The following SLX4IP variants were observed in gnomAD, a reference collection of about 807,000 sequenced individuals.
SLX4IP encodes SLX4 interacting protein, also known as protein SLX4IP.
A neutral mutation model predicts 32.9 loss-of-function variants in SLX4IP; 34 were observed. That is an observed-to-expected ratio of 1.03 (90% CI 0.79 to 1.38). The LOEUF is 1.38. SLX4IP is among the 40% of genes most tolerant of loss of function. SLX4IP has a pLI of 0.00. For missense variants in SLX4IP, 444 were observed against 479.0 expected (o/e 0.93, Z 0.68); for synonymous variants, 172 against 171.7 (o/e 1.00, Z -0.01).
At chr20:10,612,432 C>T (rs1418818727) in intron 6 of SLX4IP, among the ~76,000 whole-genome samples, 3 of 152,142 alleles carry the variant, frequency 2.0e-5, no homozygotes, top group Non-Finnish European at 4.4e-5. Context: ...GTATCATTCT[C>T]AGCAGATGTG....
At chr20:10,600,440 C>G (rs1009515854) in intron 5 of SLX4IP, among the ~76,000 whole-genome samples, 3 of 152,102 alleles carry the variant, frequency 2.0e-5, no homozygotes, top group African/African-American at 4.8e-5. Flanking sequence ...AACTGTTAAC[C>G]TGCTGTTCTG....
chr20:10,608,663 T>C (rs1023853343), intron 6 of SLX4IP, among the ~76,000 whole-genome samples: 1 of 128,080 alleles, frequency 7.8e-6, no homozygotes, highest in Non-Finnish European at 1.6e-5. Context: ...GACAGAGCAA[T>C]ACTCTGTCTC....
chr20:10,591,322 C>T (rs769102221), intron 4 of SLX4IP, among the ~76,000 whole-genome samples: 1 of 152,204 alleles, frequency 6.6e-6, no homozygotes, highest in Non-Finnish European at 1.5e-5. Context: ...AAGGTTGTTT[C>T]TTGTCCTTTG....
At chr20:10,450,935 G>T (rs374294937) in intron 1 of SLX4IP, among the ~76,000 whole-genome samples, 75 of 152,088 alleles carry the variant, frequency 4.9e-4, no homozygotes, top group African/African-American at 1.8e-3. Context: ...TGGGTTTTTA[G>T]TAGAGACGGG....
chr20:10,516,807 A>C (rs2065854471), intron 2 of SLX4IP, among the ~76,000 whole-genome samples: 1 of 152,230 alleles, frequency 6.6e-6, no homozygotes, highest in Non-Finnish European at 1.5e-5. Context: ...CCTTTCACAG[A>C]ATGAAAAAAT....
intron 2 of SLX4IP, among the ~76,000 whole-genome samples, chr20:10,518,490 T>TTTCCTTCC (rs201990578): frequency 1.6e-3 from 103 of 65,874 alleles, no homozygotes; most frequent in African/African-American, 4.5e-3. Flanking sequence ...TTCCTTTCCT[T>TTTCCTTCC]TTCCTTCCTT....
chr20:10,509,379 A>G (rs2065786396), intron 2 of SLX4IP, among the ~76,000 whole-genome samples: 1 of 152,222 alleles, frequency 6.6e-6, no homozygotes, highest in Admixed American at 6.5e-5. Context: ...AGTCACCAGC[A>G]GAGCACCGTC....
intron 2 of SLX4IP, among the ~76,000 whole-genome samples, chr20:10,485,291 T>C (rs1439841582): frequency 6.6e-6 from 1 of 152,066 alleles, no homozygotes; most frequent in Non-Finnish European, 1.5e-5. Context: ...TGACTCTCTC[T>C]ATGCAGTTGA....
At chr20:10,586,527 A>G (rs984359774) in intron 4 of SLX4IP, among the ~76,000 whole-genome samples, 1 of 152,156 alleles carries the variant, frequency 6.6e-6, no homozygotes, top group African/African-American at 2.4e-5. Context: ...TTGCTTATTT[A>G]TGTAAGGGTT....
At chr20:10,449,596 C>G (rs184061901) in intron 1 of SLX4IP, among the ~76,000 whole-genome samples, 1 of 152,260 alleles carries the variant, frequency 6.6e-6, no homozygotes, top group Admixed American at 6.5e-5. Flanking sequence ...CATAAGTTCT[C>G]ATTAGGGGAA....
chr20:10,445,317 T>C lies in SLX4IP; in HGVS notation c.-30+9864T>C, dbSNP rs1305020793. ...TGCTTTTTCTTTTTTCTTTCTTTTT[T>C]TTTTTTTTTTTTTTTGAGATGGAGT... On this transcript the variant is annotated intron_variant, in intron 1 of 7. Transcript: ENST00000334534. 3.3e-3 allele frequency among the ~76,000 whole-genome samples: 481 copies of C among 144,466 alleles called. 4 individuals are homozygous for C. The highest frequency in any genetic ancestry group is 0.011 in the African/African-American group (448 of 39,542). 94.8% of individuals were successfully genotyped at this position (144,466 alleles called of 152,430 possible).
chr20:10,441,119 T>C (rs1568682304), intron 1 of SLX4IP, among the ~76,000 whole-genome samples: 2 of 152,136 alleles, frequency 1.3e-5, no homozygotes, highest in Non-Finnish European at 2.9e-5. Flanking sequence ...CCTATGTCTG[T>C]TTCTGACTAG....
chr20:10,547,668 C>A (rs1600988172), intron 2 of SLX4IP, among the ~76,000 whole-genome samples: 1 of 152,330 alleles, frequency 6.6e-6, no homozygotes, highest in Admixed American at 6.5e-5. Flanking sequence ...CCTGGGGCAA[C>A]CTTAGTTGTA....
intron 4 of SLX4IP, among the ~76,000 whole-genome samples, chr20:10,595,707 G>A (rs1376844153): frequency 1.3e-5 from 2 of 152,196 alleles, no homozygotes; most frequent in African/African-American, 4.8e-5. Flanking sequence ...AGTGCAGTAT[G>A]TTTCAAGCAG....
chr20:10,447,458 T>A (rs1434447665), intron 1 of SLX4IP, among the ~76,000 whole-genome samples: 1 of 152,166 alleles, frequency 6.6e-6, no homozygotes, highest in African/African-American at 2.4e-5. Context: ...TCGTATATAT[T>A]TTTTTCATTT....
chr20:10,618,924 T>C (rs111631080), intron 6 of SLX4IP, among the ~76,000 whole-genome samples: 3,462 of 32,232 alleles, frequency 0.11, 97 homozygotes, highest in Admixed American at 0.32. Flanking sequence ...GAATACTTGT[T>C]TGGGGGCTTG....
At chr20:10,615,956 C>T (rs968749763) in intron 6 of SLX4IP, among the ~76,000 whole-genome samples, 1 of 152,110 alleles carries the variant, frequency 6.6e-6, no homozygotes, top group African/African-American at 2.4e-5. Context: ...ATCTTCAAGG[C>T]CCCACCTCTT....
chr20:10,613,946 G>A (rs745643216), intron 6 of SLX4IP: 20 of 1,173,942 alleles, frequency 1.7e-5, no homozygotes, highest in Admixed American at 6.7e-5. Context: ...GATCTTGGAT[G>A]AGCACAGGAG....
At chr20:10,547,365 T>A (rs1355785464) in intron 2 of SLX4IP, among the ~76,000 whole-genome samples, 1 of 152,216 alleles carries the variant, frequency 6.6e-6, no homozygotes, top group Non-Finnish European at 1.5e-5. Flanking sequence ...AAGTTACACA[T>A]CCTTGACCTG....
Sources: gnomAD v4.1 joint callset for allele counts (sites outside exome capture counted in the v4.1 genomes callset) on GRCh38, gnomAD v4.1.1 for gene constraint, MANE v1.5 for transcripts, NCBI Gene and HGNC (gene_info 2026-07-23, HGNC 2026-07-21) for gene names.